Variants in PLCH1 observed in about 807,000 individuals in gnomAD.
PLCH1 encodes the protein 1-phosphatidylinositol 4,5-bisphosphate phosphodiesterase eta-1.
In PLCH1, 60 loss-of-function variants were observed where a neutral mutation model predicts 126.7. That is an observed-to-expected ratio of 0.47 (90% CI 0.38 to 0.59). The LOEUF (loss-of-function observed/expected upper bound fraction) is 0.59, where lower values mean the gene tolerates loss of function less well. Among genes scored for constraint, PLCH1 ranks in the 20% least tolerant of loss-of-function variants. The probability of loss-of-function intolerance (pLI) is 0.00; values close to 1 mark genes in which losing one functional copy is unlikely to be tolerated. For synonymous variants in PLCH1, 719 were observed against 734.9 expected (o/e 0.98, Z 0.35); for missense variants, 1,723 against 2,040.0 (o/e 0.84, Z 2.99).
intron 19 of PLCH1, among the ~76,000 whole-genome samples, chr3:155,490,304 T>G (rs1243147284): frequency 6.6e-6 from 1 of 152,178 alleles, no homozygotes; most frequent in African/African-American, 2.4e-5. Context: ...ATAAGAAGAA[T>G]GCTGCCCCTC....
chr3:155,516,601 A>G (rs1720351447), intron 11 of PLCH1, among the ~76,000 whole-genome samples: 1 of 152,154 alleles, frequency 6.6e-6, no homozygotes, highest in Admixed American at 6.6e-5. Context: ...TAGAAACAGT[A>G]TTAATCTGGC....
Position 155,583,584 on chromosome 3 carries a change from TA to T in PLCH1, c.658del (p.Tyr220ThrfsTer3). 1.2e-6 allele frequency: 2 copies of T among 1,603,754 alleles called. No individual in the cohort carries two copies. Among genetic ancestry groups the T allele is most frequent in the Admixed American group, 1.8e-5 (1 of 56,962 alleles). ...TLTFEEFCVF[Y>X]KMMSLRRDLY... ...GTCTCGTCTCAAAGACATCATTTTG[TA>T]AAAAACACAGAACTCTTCAAATGTC... On this transcript the variant is annotated frameshift_variant, in exon 6 of 23. Transcript: ENST00000460012. LOFTEE classifies it high-confidence loss of function.
intron 2 of PLCH1, among the ~76,000 whole-genome samples, chr3:155,671,387 C>G (rs1465353520): frequency 6.6e-6 from 1 of 152,132 alleles, no homozygotes; most frequent in Non-Finnish European, 1.5e-5. Flanking sequence ...TGTTCTGAAG[C>G]AGTAACCCTA....
intron 2 of PLCH1, among the ~76,000 whole-genome samples, chr3:155,655,997 A>G (rs1340595362): frequency 1.3e-5 from 2 of 152,172 alleles, no homozygotes; most frequent in Non-Finnish European, 2.9e-5. Context: ...AAGAGAAAGA[A>G]CCATTGAAAC....
chr3:155,653,228 A>G (rs999717922), intron 2 of PLCH1, among the ~76,000 whole-genome samples: 2 of 152,182 alleles, frequency 1.3e-5, no homozygotes, highest in African/African-American at 4.8e-5. Flanking sequence ...TGTGTTGCCC[A>G]GGCTGGTCTC....
intron 10 of PLCH1, among the ~76,000 whole-genome samples, chr3:155,531,857 T>C (rs932248879): frequency 6.6e-6 from 1 of 152,126 alleles, no homozygotes; most frequent in African/African-American, 2.4e-5. Flanking sequence ...TTTAAGAGAG[T>C]TGCTCTGGAT....
At chr3:155,544,213 C>T (rs1022735532) in intron 10 of PLCH1, among the ~76,000 whole-genome samples, 15 of 151,762 alleles carry the variant, frequency 9.9e-5, no homozygotes, top group African/African-American at 3.6e-4. Flanking sequence ...AAATGGAAAA[C>T]AAAAAAAGGC....
intron 1 of PLCH1, among the ~76,000 whole-genome samples, chr3:155,737,036 C>G (rs1277845354): frequency 2.0e-5 from 3 of 151,724 alleles, no homozygotes; most frequent in Non-Finnish European, 4.4e-5. Flanking sequence ...TCGAGACCAG[C>G]CTGGGCAACA....
intron 2 of PLCH1, among the ~76,000 whole-genome samples, chr3:155,612,283 C>T (rs1273937024): frequency 2.7e-5 from 4 of 149,700 alleles, no homozygotes; most frequent in African/African-American, 9.9e-5. Context: ...GAGCCAAGAT[C>T]GTGCCATTGC....
At chr3:155,618,223 GT>G (rs575910042) in intron 2 of PLCH1, among the ~76,000 whole-genome samples, 326 of 151,952 alleles carry the variant, frequency 2.1e-3, no homozygotes, top group African/African-American at 6.7e-3. Flanking sequence ...CGTTTTTGAG[GT>G]TTTTTTTAAT....
At chr3:155,519,867 A>C (rs1381911209) in intron 11 of PLCH1, among the ~76,000 whole-genome samples, 1 of 151,744 alleles carries the variant, frequency 6.6e-6, no homozygotes, top group Non-Finnish European at 1.5e-5. Flanking sequence ...CTAAAGTCCA[A>C]AGATGGGAAG....
chr3:155,672,059 G>A (rs921558818), intron 2 of PLCH1, among the ~76,000 whole-genome samples: 12 of 152,084 alleles, frequency 7.9e-5, no homozygotes, highest in Admixed American at 1.3e-4. Flanking sequence ...CAGGAAATGT[G>A]AACAACCTAC....
At chr3:155,655,059 G>T (rs1026280702) in intron 2 of PLCH1, among the ~76,000 whole-genome samples, 4 of 152,146 alleles carry the variant, frequency 2.6e-5, no homozygotes, top group African/African-American at 9.7e-5. Context: ...GCCTTTAGAT[G>T]TTATATGGTT....
At chr3:155,577,851 A>G (rs935307462) in intron 6 of PLCH1, among the ~76,000 whole-genome samples, 4 of 152,246 alleles carry the variant, frequency 2.6e-5, no homozygotes, top group Admixed American at 2.6e-4. Context: ...ATTTGAAGTC[A>G]GTAGTTTATA....
intron 2 of PLCH1, among the ~76,000 whole-genome samples, chr3:155,643,129 A>G (rs1403356407): frequency 6.6e-6 from 1 of 152,054 alleles, no homozygotes; most frequent in African/African-American, 2.4e-5. Context: ...TTTTATTTTT[A>G]GTAGAGGCGG....
At chr3:155,680,198 C>T (rs1041960997) in intron 2 of PLCH1, among the ~76,000 whole-genome samples, 2 of 152,136 alleles carry the variant, frequency 1.3e-5, no homozygotes, top group Non-Finnish European at 2.9e-5. Context: ...GCCTGACCAA[C>T]ATGGTGAAAC....
chr3:155,712,744 T>TAAAG (rs1323586144), intron 1 of PLCH1, among the ~76,000 whole-genome samples: 1 of 146,218 alleles, frequency 6.8e-6, no homozygotes. Context: ...TGTCACTAAA[T>TAAAG]AAATAAATAA....
rs575997410 is a variant in PLCH1 at position 155,527,512 on chromosome 3, G to A, written c.1363-3508C>T. On this transcript the variant is annotated intron_variant, in intron 10 of 22. Transcript: ENST00000460012. ...CCTTATCACTAGTGACAATTTCAAAGCTGGGTAAATCATTTATATAATGAA... is the reference window on the plus strand; with the variant it reads ...CCTTATCACTAGTGACAATTTCAAAACTGGGTAAATCATTTATATAATGAA... Among the ~76,000 whole-genome samples, 5 of 152,270 alleles carry A rather than the reference G, an allele frequency of 3.3e-5. No individual in the cohort carries two copies. The East Asian group carries it at 9.7e-4, about 29-fold the overall frequency.
chr3:155,648,315 C>A (rs1455345265), intron 2 of PLCH1, among the ~76,000 whole-genome samples: 2 of 152,130 alleles, frequency 1.3e-5, no homozygotes, highest in African/African-American at 4.8e-5. Flanking sequence ...GCAGAAGAAC[C>A]ATCACCACAA....
Sources: allele counts gnomAD v4.1 joint callset (sites outside exome capture counted in the v4.1 genomes callset), GRCh38; gene constraint gnomAD v4.1.1; transcripts MANE v1.5; gene names NCBI Gene and HGNC (gene_info 2026-07-23, HGNC 2026-07-21).